SLC24A2: variants seen among roughly 807,000 people sequenced by gnomAD.
SLC24A2 encodes the protein sodium/potassium/calcium exchanger 2.
SLC24A2 carries 36 observed loss-of-function variants against 62.0 expected under a neutral mutation model. The observed-to-expected ratio is 0.58, with a 90% confidence interval of 0.44 to 0.77. The LOEUF (loss-of-function observed/expected upper bound fraction) is 0.77, where lower values mean the gene tolerates loss of function less well. Among genes scored for constraint, SLC24A2 ranks in the 30% least tolerant of loss-of-function variants. The pLI, the probability that SLC24A2 is intolerant of heterozygous loss-of-function variation, is 0.00. For synonymous variants in SLC24A2, 358 were observed against 294.0 expected (o/e 1.22, Z -2.23); for missense variants, 846 against 817.9 (o/e 1.03, Z -0.42).
the SLC24A2 span, among the ~76,000 whole-genome samples, chr9:20,275,337 C>G: frequency 0.031 from 4,722 of 152,180 alleles, 102 homozygotes; most frequent in Admixed American, 0.04. Flanking sequence ...AAAAATCACA[C>G]ACTCCTTCTG....
chr9:20,154,963 A>C, the SLC24A2 span, among the ~76,000 whole-genome samples: 2 of 151,650 alleles, frequency 1.3e-5, no homozygotes, highest in Non-Finnish European at 3.0e-5. Flanking sequence ...GCATCTCGCT[A>C]TCAGGGAAAA....
intron 2 of SLC24A2, among the ~76,000 whole-genome samples, chr9:19,636,330 T>TTCCTTTTC (rs1491510974): frequency 3.3e-5 from 1 of 30,236 alleles, no homozygotes; most frequent in Non-Finnish European, 6.8e-5. Flanking sequence ...TTTCTTTCTT[T>TTCCTTTTC]CTTTCTTTCT....
At chr9:19,842,149 G>C in the SLC24A2 span, among the ~76,000 whole-genome samples, 1 of 152,158 alleles carries the variant, frequency 6.6e-6, no homozygotes, top group Non-Finnish European at 1.5e-5. Flanking sequence ...TTCTAAATAA[G>C]AATTTACATT....
chr9:19,899,889 C>T, the SLC24A2 span, among the ~76,000 whole-genome samples: 2 of 152,244 alleles, frequency 1.3e-5, no homozygotes, highest in Middle Eastern at 6.8e-3. Flanking sequence ...ATTCGATTAC[C>T]TCCCACCAGG....
Position 19,741,169 on chromosome 9 carries a change from C to T in SLC24A2, c.930+44768G>A, listed in dbSNP as rs188212137. ...CTGAAAAATTGTGTGCTATTGATTC[C>T]GCTCTTGCCTCTTGACTCCAAACCC... On this transcript the variant is annotated intron_variant, in intron 2 of 10. Coordinates refer to ENST00000341998, the MANE Select transcript of SLC24A2 (RefSeq NM_020344.4). 8.9e-4 allele frequency among the ~76,000 whole-genome samples: 135 copies of T among 152,214 alleles called. 2 individuals are homozygous for T. The highest frequency in any genetic ancestry group is 3.0e-3 in the African/African-American group (126 of 41,532).
At chr9:19,994,145 T>C in the SLC24A2 span, among the ~76,000 whole-genome samples, 1 of 152,194 alleles carries the variant, frequency 6.6e-6, no homozygotes, top group African/African-American at 2.4e-5. Flanking sequence ...CTGCACCTGC[T>C]TCTAGTGGAA....
the SLC24A2 span, among the ~76,000 whole-genome samples, chr9:20,123,541 T>C: frequency 1.3e-5 from 2 of 152,234 alleles, no homozygotes; most frequent in South Asian, 4.1e-4. Flanking sequence ...TCAAATCTTA[T>C]ATTTGTACTT....
the SLC24A2 span, among the ~76,000 whole-genome samples, chr9:20,141,977 GGAGGCT>G: frequency 6.6e-6 from 1 of 152,100 alleles, no homozygotes; most frequent in African/African-American, 2.4e-5. Context: ...CAGCTAACTG[GGAGGCT>G]GAGGCAGGAG....
chr9:19,809,589 G>A, the SLC24A2 span, among the ~76,000 whole-genome samples: 1 of 152,058 alleles, frequency 6.6e-6, no homozygotes, highest in African/African-American at 2.4e-5. Context: ...TGCCAATCAT[G>A]TTCAAGATGG....
chr9:19,903,102 C>T, the SLC24A2 span, among the ~76,000 whole-genome samples: 1 of 151,804 alleles, frequency 6.6e-6, no homozygotes, highest in Non-Finnish European at 1.5e-5. Context: ...GATCGAGTGC[C>T]AGACCTTGTG....
At chr9:19,962,812 AATTTG>A in the SLC24A2 span, among the ~76,000 whole-genome samples, 1 of 152,154 alleles carries the variant, frequency 6.6e-6, no homozygotes, top group African/African-American at 2.4e-5. Context: ...AAACAGGGAC[AATTTG>A]ACTTCCTCTT....
At chr9:20,008,074 T>A in the SLC24A2 span, among the ~76,000 whole-genome samples, 47 of 151,936 alleles carry the variant, frequency 3.1e-4, no homozygotes, top group African/African-American at 1.1e-3. Flanking sequence ...TTTTCTATTT[T>A]TAATAGAGAC....
At chr9:19,709,072 A>G (rs1820628349) in intron 2 of SLC24A2, among the ~76,000 whole-genome samples, 2 of 152,202 alleles carry the variant, frequency 1.3e-5, no homozygotes, top group Non-Finnish European at 2.9e-5. Flanking sequence ...AAAAACAAAC[A>G]ACCCATCAAA....
At chr9:19,607,479 G>A (rs1016087683) in intron 4 of SLC24A2, among the ~76,000 whole-genome samples, 1 of 152,130 alleles carries the variant, frequency 6.6e-6, no homozygotes, top group African/African-American at 2.4e-5. Flanking sequence ...CACATTGGGA[G>A]GAGGCCAAGG....
At chr9:19,526,584 C>T (rs976848873) in intron 9 of SLC24A2, among the ~76,000 whole-genome samples, 7 of 152,260 alleles carry the variant, frequency 4.6e-5, no homozygotes, top group Admixed American at 2.0e-4. Context: ...TTTTGATTTA[C>T]ACTTCTTTAA....
the SLC24A2 span, among the ~76,000 whole-genome samples, chr9:19,860,787 C>G: frequency 1.3e-5 from 2 of 152,162 alleles, no homozygotes; most frequent in Admixed American, 6.5e-5. Context: ...CTTAAGAGAA[C>G]ATTGGCAGTT....
At position 19,507,974 on chromosome 9, in the gene SLC24A2, G is replaced by A. The variant is rs756410082; in HGVS notation, c.*8179C>T. ...TTATAGAGCAAATGTCTATGTTGGC[G>A]TCAACGTTGACAACATTTTCTTTGT... On this transcript the variant is annotated 3_prime_UTR_variant, in exon 11 of 11. Transcript: ENST00000341998. 3 of 152,210 alleles carry A rather than the reference G, an allele frequency of 2.0e-5. No individual in the cohort carries two copies. The highest frequency in any genetic ancestry group is 4.1e-4 in the South Asian group (2 of 4,836). 9.4% of individuals were successfully genotyped at this position (152,210 alleles called of 1,614,324 possible).
the SLC24A2 span, among the ~76,000 whole-genome samples, chr9:20,108,955 T>A: frequency 3.3e-5 from 5 of 152,192 alleles, no homozygotes; most frequent in Non-Finnish European, 7.3e-5. Flanking sequence ...ATACTGACAG[T>A]AGTCACATAA....
At chr9:20,180,683 G>A in the SLC24A2 span, among the ~76,000 whole-genome samples, 8 of 152,062 alleles carry the variant, frequency 5.3e-5, no homozygotes, top group African/African-American at 1.7e-4. Flanking sequence ...CATAAGTTTT[G>A]CTATCTGGTT....
Sources: allele counts gnomAD v4.1 joint callset (sites outside exome capture counted in the v4.1 genomes callset), GRCh38; gene constraint gnomAD v4.1.1; transcripts MANE v1.5; gene names NCBI Gene and HGNC (gene_info 2026-07-23, HGNC 2026-07-21).